Variants in PSD2 observed in about 807,000 individuals in gnomAD.
PSD2 encodes the protein pleckstrin and Sec7 domain containing 2.
Under a neutral mutation model 69.8 loss-of-function variants are expected in PSD2, and 38 were observed. The ratio of observed to expected loss-of-function variants is 0.54; its 90% confidence interval spans 0.42 to 0.71. The LOEUF (loss-of-function observed/expected upper bound fraction) is 0.71. Ranked by LOEUF, PSD2 falls within the 30% of genes least tolerant of loss-of-function variation. PSD2 has a pLI of 0.00. For missense variants in PSD2, 943 were observed against 1,014.5 expected (o/e 0.93, Z 0.96); for synonymous variants, 412 against 423.0 (o/e 0.97, Z 0.32).
rs1760051685 is a variant in PSD2 at position 139,814,103 on chromosome 5, C to T, written c.822-67C>T. On this transcript the variant is annotated intron_variant, in intron 3 of 14. Coordinates refer to ENST00000274710, the MANE Select transcript of PSD2 (RefSeq NM_032289.4). This position sits in a 1 kb window ranked among gnomAD's most constrained non-coding sequence, Gnocchi z 4.4. ...TTTGCAGTGGCCTGGGGAAACCTCCCAGCCTCCTCTGGGGCCTTTGACCCT... is the reference window on the plus strand; with the variant it reads ...TTTGCAGTGGCCTGGGGAAACCTCCTAGCCTCCTCTGGGGCCTTTGACCCT... The T allele has an allele frequency of 1.3e-6, 2 of 1,525,822 alleles. No individual in the cohort carries two copies. Among genetic ancestry groups the T allele is most frequent in the South Asian group, 2.4e-5 (2 of 84,408 alleles). 94.5% of individuals were successfully genotyped at this position (1,525,822 alleles called of 1,614,324 possible).
At position 139,842,993 on chromosome 5, in the gene PSD2, C is replaced by T. The variant is rs148046719; in HGVS notation, c.*519C>T. 48 of 156,104 alleles carry T rather than the reference C, an allele frequency of 3.1e-4. No individual in the cohort carries two copies. The highest frequency in any genetic ancestry group is 1.1e-3 in the Admixed American group (18 of 15,776). The allele number at this position is 156,104 out of a possible 1,614,324, so 9.7% of individuals were successfully genotyped here. A position where few individuals can be genotyped will look rare whatever the true frequency, so the allele number is the denominator to read the frequency against. ...CATGCCCAGGTCTCCTGCCTCACATCACAATAATCTGGGACCCAGGCTTGT... is the reference window on the plus strand; with the variant it reads ...CATGCCCAGGTCTCCTGCCTCACATTACAATAATCTGGGACCCAGGCTTGT... On this transcript the variant is annotated 3_prime_UTR_variant, in exon 15 of 15. Transcript: ENST00000274710.
At chr5:139,759,464 G>T in the PSD2 span, among the ~76,000 whole-genome samples, 22 of 152,258 alleles carry the variant, frequency 1.4e-4, no homozygotes, top group East Asian at 3.9e-3. Flanking sequence ...GCCGGGAGGG[G>T]CCTGGGAGCT....
At chr5:139,757,083 A>G in the PSD2 span, among the ~76,000 whole-genome samples, 1 of 152,240 alleles carries the variant, frequency 6.6e-6, no homozygotes, top group South Asian at 2.1e-4. Context: ...TGGGATTGGA[A>G]TCAGGCCCAT....
At chr5:139,743,632 A>T in the PSD2 span, 1 of 152,700 alleles carries the variant, frequency 6.5e-6, no homozygotes, top group Non-Finnish European at 1.5e-5. Flanking sequence ...TGTGTGTGGA[A>T]GCATGCTAAT....
At chr5:139,834,962 C>T (rs372967597) in intron 8 of PSD2, among the ~76,000 whole-genome samples, 33 of 150,986 alleles carry the variant, frequency 2.2e-4, no homozygotes, top group African/African-American at 7.8e-4. Flanking sequence ...TCTCCCCAAA[C>T]CCTCCCTTCC....
chr5:139,837,174 G>A lies in PSD2; in HGVS notation c.1601G>A (p.Arg534His), dbSNP rs746480992. 8.7e-6 allele frequency: 14 copies of A among 1,613,946 alleles called. No individual in the cohort carries two copies. The highest frequency in any genetic ancestry group is 4.0e-5 in the African/African-American group (3 of 74,928). The change falls in exon 11 of 15, where the codon CGT (arginine) becomes CAT (histidine). Residue 534 changes from arginine (R) to histidine (H), a missense_variant. Physicochemically the swap from Arg to His is conservative, Grantham distance 29. Around this residue, in one of 3 missense-constraint regions of PSD2, gnomAD observed 312 missense variants for 400.7 expected, o/e 0.78. Coordinates refer to ENST00000274710, the MANE Select transcript of PSD2 (RefSeq NM_032289.4). This position sits in a 1 kb window ranked among gnomAD's most constrained non-coding sequence, Gnocchi z 5.0. ...CCAGTGCCCTCCTCCCCAGCGCCCC[G>A]TGGGAGGCGTGGCTGGAAGAAATTC... Reference protein sequence around the residue: ...HADMDGKRTPRGRRGWKKFYA... With the variant: ...HADMDGKRTPHGRRGWKKFYA...
intron 1 of PSD2, among the ~76,000 whole-genome samples, chr5:139,803,546 A>T (rs1759724444): frequency 6.6e-6 from 1 of 152,176 alleles, no homozygotes; most frequent in African/African-American, 2.4e-5. Context: ...CCGAGCTCAG[A>T]TAGACAGGCA....
At chr5:139,773,562 A>G in the PSD2 span, among the ~76,000 whole-genome samples, 1 of 152,184 alleles carries the variant, frequency 6.6e-6, no homozygotes, top group African/African-American at 2.4e-5. Context: ...CCCTAGGTAC[A>G]TCATATAAAT....
At chr5:139,838,449 G>A (rs552612486) in intron 12 of PSD2, among the ~76,000 whole-genome samples, 179 bp from the exon 13 acceptor site, 8 of 152,242 alleles carry the variant, frequency 5.3e-5, no homozygotes, top group Admixed American at 1.3e-4. Context: ...AGGGAGCTCC[G>A]TGCATAGCTC....
chr5:139,819,296 C>T (rs777987534), intron 5 of PSD2, among the ~76,000 whole-genome samples: 6 of 152,154 alleles, frequency 3.9e-5, no homozygotes, highest in African/African-American at 7.2e-5. Context: ...TCCAGGCCCT[C>T]GGAGTTTTCT....
At position 139,814,088 on chromosome 5, in the gene PSD2, C is replaced by A; in HGVS notation, c.822-82C>A. On this transcript the variant is annotated intron_variant, in intron 3 of 14. Transcript: ENST00000274710. This position sits in a 1 kb window ranked among gnomAD's most constrained non-coding sequence, Gnocchi z 4.4. ...CTGGCCCCTACATGGTTTGCAGTGGCCTGGGGAAACCTCCCAGCCTCCTCT... is the reference window on the plus strand; with the variant it reads ...CTGGCCCCTACATGGTTTGCAGTGGACTGGGGAAACCTCCCAGCCTCCTCT... 7.2e-7 allele frequency: 1 copy of A among 1,383,656 alleles called. No individual in the cohort carries two copies. Among genetic ancestry groups the A allele is most frequent in the Non-Finnish European group, 1.0e-6 (1 of 993,380 alleles). 85.7% of individuals were successfully genotyped at this position (1,383,656 alleles called of 1,614,324 possible). A position where few individuals can be genotyped will look rare whatever the true frequency, so the allele number is the denominator to read the frequency against.
chr5:139,830,011 A>G (rs1164260651), intron 7 of PSD2, among the ~76,000 whole-genome samples: 13 of 100,840 alleles, frequency 1.3e-4, no homozygotes, highest in Admixed American at 6.1e-4. Flanking sequence ...TTTTTTTTTG[A>G]AAAAAAAAAA....
chr5:139,768,589 G>T, the PSD2 span, among the ~76,000 whole-genome samples: 1 of 152,128 alleles, frequency 6.6e-6, no homozygotes, highest in Non-Finnish European at 1.5e-5. Context: ...TGGGCTTGGT[G>T]GCGCATGCCT....
rs1412020974 is a variant in PSD2, at chr5:139,814,181, T to A, written c.833T>A (p.Leu278Gln). 3 of 1,613,268 alleles carry A rather than the reference T, an allele frequency of 1.9e-6. No individual in the cohort carries two copies. Among genetic ancestry groups the A allele is most frequent in the Non-Finnish European group, 1.7e-6 (2 of 1,179,684 alleles). Residue 278 changes from leucine (L) to glutamine (Q), a missense_variant, in exon 4 of 15, where the codon CTG (leucine) becomes CAG (glutamine). Physicochemically the swap from Leu to Gln is moderately radical, Grantham distance 113. This residue lies in a region of PSD2 where 466 missense variants were observed against 445.0 expected (regional missense o/e 1.05). Transcript: ENST00000274710. The surrounding 1 kb of genome is among the most constrained non-coding windows in gnomAD (Gnocchi z 4.4). ...CCTTCCATCTGCAGTGACCCCAGCC[T>A]GAAGGATGGCCTGTCAGACTCAGAC... ...KLLNSASDPS[L>Q]KDGLSDSDSE...
chr5:139,804,446 G>A (rs1397989405), intron 1 of PSD2, among the ~76,000 whole-genome samples: 1 of 152,174 alleles, frequency 6.6e-6, no homozygotes, highest in Non-Finnish European at 1.5e-5. Flanking sequence ...TACTCTAAAT[G>A]TTGCACACAT....
upstream of PSD2, among the ~76,000 whole-genome samples, chr5:139,793,355 C>G (rs1001484120): frequency 9.2e-5 from 14 of 152,204 alleles, no homozygotes; most frequent in African/African-American, 3.4e-4. Flanking sequence ...CCTGTGGCCT[C>G]CAGGCAGCCC....
chr5:139,757,630 A>G, the PSD2 span, among the ~76,000 whole-genome samples: 3 of 152,174 alleles, frequency 2.0e-5, no homozygotes, highest in African/African-American at 7.2e-5. Context: ...TTTTCTTCCA[A>G]ATAGTGCTGG....
chr5:139,744,499 G>T, the PSD2 span, among the ~76,000 whole-genome samples: 2 of 152,130 alleles, frequency 1.3e-5, no homozygotes, highest in Non-Finnish European at 2.9e-5. Flanking sequence ...CCGCCTGCTC[G>T]CCTGTAGAGC....
At chr5:139,842,218 A>G (rs1244120245) in intron 14 of PSD2, 53 bp from the exon 15 acceptor site, 2 of 1,500,142 alleles carry the variant, frequency 1.3e-6, no homozygotes, top group East Asian at 2.3e-5. Flanking sequence ...TAAGGTGCAC[A>G]TACTTTTTTC....
Sources: gnomAD v4.1 joint callset for allele counts (sites outside exome capture counted in the v4.1 genomes callset) on GRCh38, gnomAD v4.1.1 for gene constraint, gnomAD v4.1.1 regional missense constraint, Gnocchi (gnomAD v3.1) non-coding constraint, MANE v1.5 for transcripts, NCBI Gene and HGNC (gene_info 2026-07-23, HGNC 2026-07-21) for gene names.